SCAPER: variants seen among roughly 807,000 people sequenced by gnomAD.
SCAPER encodes the protein S-phase cyclin A associated protein in the ER.
A neutral mutation model predicts 182.2 loss-of-function variants in SCAPER; 98 were observed. The observed-to-expected ratio is 0.54, with a 90% confidence interval of 0.46 to 0.64. The LOEUF is 0.64. SCAPER is among the 30% of genes least tolerant of loss of function. SCAPER has a pLI of 0.00. For missense variants in SCAPER, 1,432 were observed against 1,690.0 expected (o/e 0.85, Z 2.68); for synonymous variants, 605 against 564.6 (o/e 1.07, Z -1.01).
intron 17 of SCAPER, among the ~76,000 whole-genome samples, chr15:76,715,727 C>T (rs1344478104): frequency 6.6e-6 from 1 of 152,104 alleles, no homozygotes; most frequent in Non-Finnish European, 1.5e-5. Context: ...TCACTGCTCA[C>T]CAGGGACTGA....
At chr15:76,355,969 T>C (rs1270807882) in intron 29 of SCAPER, among the ~76,000 whole-genome samples, 1 of 152,250 alleles carries the variant, frequency 6.6e-6, no homozygotes, top group African/African-American at 2.4e-5. Flanking sequence ...ATTGGAGTTC[T>C]AAGGAGCTTT....
chr15:76,711,122 T>C (rs1274228158), intron 17 of SCAPER, among the ~76,000 whole-genome samples: 2 of 152,204 alleles, frequency 1.3e-5, no homozygotes, highest in Admixed American at 6.5e-5. Context: ...AAGAAACTTT[T>C]TGTGGTTTCT....
rs1416937720 is a variant in SCAPER at position 76,504,808 on chromosome 15, GA to G, written c.2954+50del. 4.1e-6 allele frequency: 6 copies of G among 1,446,542 alleles called. No homozygotes were observed. The African/African-American group carries it at 4.3e-5, about 10-fold the overall frequency. The allele number at this position is 1,446,542 out of a possible 1,614,324, so 89.6% of individuals were successfully genotyped here. A position where few individuals can be genotyped will look rare whatever the true frequency, so the allele number is the denominator to read the frequency against. On this transcript the variant is annotated intron_variant, in intron 24 of 31. Transcript: ENST00000563290. ...TTCTCCATATGGAAACCATAGGGCA[GA>G]AATGACTCACAAATGAAACGTAAAA...
chr15:76,646,713 A>G (rs1213542013), intron 21 of SCAPER, among the ~76,000 whole-genome samples: 3 of 152,216 alleles, frequency 2.0e-5, no homozygotes. Context: ...CTGCCTATCA[A>G]AACTTTCAAG....
At chr15:76,893,374 G>C (rs1296128493) in intron 1 of SCAPER, among the ~76,000 whole-genome samples, 2 of 151,964 alleles carry the variant, frequency 1.3e-5, no homozygotes, top group Non-Finnish European at 2.9e-5. Flanking sequence ...TCATCAAAAG[G>C]ATATAACCGT....
At chr15:76,697,606 A>G (rs1035007964) in intron 20 of SCAPER, among the ~76,000 whole-genome samples, 2 of 152,156 alleles carry the variant, frequency 1.3e-5, no homozygotes, top group African/African-American at 4.8e-5. Flanking sequence ...TAAATTAAAT[A>G]ATATTTTTAG....
intron 25 of SCAPER, among the ~76,000 whole-genome samples, chr15:76,445,834 G>A (rs527363131): frequency 1.1e-4 from 16 of 152,234 alleles, no homozygotes; most frequent in African/African-American, 3.6e-4. Flanking sequence ...CATCATTACT[G>A]CTGGATGAGG....
At chr15:76,572,919 T>TCTCTCA (rs1477852757) in intron 23 of SCAPER, among the ~76,000 whole-genome samples, 3 of 135,174 alleles carry the variant, frequency 2.2e-5, no homozygotes, top group African/African-American at 8.5e-5. Flanking sequence ...TCTCTCTCTC[T>TCTCTCA]CACACACACA....
intron 5 of SCAPER, 69 bp from the exon 6 acceptor site, chr15:76,804,702 G>T: frequency 1.0e-6 from 1 of 956,180 alleles, no homozygotes; most frequent in Non-Finnish European, 1.5e-6. Flanking sequence ...AAAAAAAAGA[G>T]TGAACAACTT....
intron 8 of SCAPER, among the ~76,000 whole-genome samples, chr15:76,791,652 TA>T (rs879776998): frequency 3.2e-4 from 45 of 140,062 alleles, no homozygotes; most frequent in Admixed American, 4.3e-4. Flanking sequence ...TGACAACTGC[TA>T]AAAAAAAAAA....
chr15:76,846,874 A>G (rs1188926272), intron 4 of SCAPER, among the ~76,000 whole-genome samples: 1 of 151,922 alleles, frequency 6.6e-6, no homozygotes, highest in African/African-American at 2.4e-5. Flanking sequence ...AAAAGAAAAG[A>G]AATCAGAATA....
At chr15:76,815,355 A>T (rs1016981734) in intron 5 of SCAPER, among the ~76,000 whole-genome samples, 2 of 152,228 alleles carry the variant, frequency 1.3e-5, no homozygotes, top group Non-Finnish European at 2.9e-5. Flanking sequence ...ATATGGAAAC[A>T]ACCTTAAGTG....
intron 10 of SCAPER, among the ~76,000 whole-genome samples, chr15:76,767,340 CT>C (rs2063178181): frequency 6.6e-6 from 1 of 152,024 alleles, no homozygotes; most frequent in Non-Finnish European, 1.5e-5. Flanking sequence ...TACCAGACAG[CT>C]ACGTATGAGA....
chr15:76,510,859 G>A (rs961919512), intron 23 of SCAPER, among the ~76,000 whole-genome samples: 1 of 115,702 alleles, frequency 8.6e-6, no homozygotes, highest in African/African-American at 4.3e-5. Context: ...AGAAACTGGT[G>A]CGCGCGTGTG....
intron 29 of SCAPER, among the ~76,000 whole-genome samples, chr15:76,371,214 C>G (rs369737895): frequency 2.2e-4 from 33 of 152,244 alleles, no homozygotes; most frequent in African/African-American, 7.9e-4. Context: ...TACTTACAGC[C>G]TCACTAAAGT....
chr15:76,722,169 C>T (rs8036476), intron 17 of SCAPER, among the ~76,000 whole-genome samples: 1,812 of 152,250 alleles, frequency 0.012, 23 homozygotes, highest in African/African-American at 0.04. Flanking sequence ...GCCTTTTCTG[C>T]ATCTATTGAG....
chr15:76,705,587 G>A (rs1267011575), intron 18 of SCAPER, among the ~76,000 whole-genome samples: 1 of 150,066 alleles, frequency 6.7e-6, no homozygotes, highest in Non-Finnish European at 1.5e-5. Context: ...CTTTTAGGAT[G>A]GTTAAAAAAA....
intron 27 of SCAPER, among the ~76,000 whole-genome samples, chr15:76,391,082 C>T (rs750857734): frequency 1.3e-5 from 2 of 152,192 alleles, no homozygotes; most frequent in African/African-American, 2.4e-5. Context: ...TACTTATTGA[C>T]TTCAACTTCT....
At chr15:76,746,750 T>C (rs1446744418) in intron 15 of SCAPER, among the ~76,000 whole-genome samples, 1 of 152,162 alleles carries the variant, frequency 6.6e-6, no homozygotes, top group African/African-American at 2.4e-5. Flanking sequence ...AAAATGAAAT[T>C]AAGATAACAA....
Sources: gnomAD v4.1 joint callset for allele counts (sites outside exome capture counted in the v4.1 genomes callset) on GRCh38, gnomAD v4.1.1 for gene constraint, MANE v1.5 for transcripts, NCBI Gene and HGNC (gene_info 2026-07-23, HGNC 2026-07-21) for gene names.